Variants in RASGEF1C observed in about 807,000 individuals in gnomAD.
RASGEF1C encodes RasGEF domain family member 1C.
In RASGEF1C, 27 loss-of-function variants were observed where a neutral mutation model predicts 58.1. The ratio of observed to expected loss-of-function variants is 0.46; its 90% CI spans 0.34 to 0.64. The LOEUF is 0.64. Among genes scored for constraint, RASGEF1C ranks in the 30% least tolerant of loss-of-function variants. The probability of loss-of-function intolerance (pLI) is 0.01; values close to 1 mark genes in which losing one functional copy is unlikely to be tolerated. For missense variants in RASGEF1C, 502 were observed against 605.1 expected, an observed-to-expected ratio of 0.83 and a Z score of 1.79; for synonymous variants, 243 against 246.3, an observed-to-expected ratio of 0.99 and a Z score of 0.13.
At chr5:180,130,933 A>G (rs889498284) in intron 4 of RASGEF1C, among the ~76,000 whole-genome samples, 4 of 152,022 alleles carry the variant, frequency 2.6e-5, no homozygotes, top group African/African-American at 9.7e-5. Flanking sequence ...GTGTTGGTGG[A>G]TAGCGCGTCG....
intron 1 of RASGEF1C, among the ~76,000 whole-genome samples, chr5:180,174,628 G>GTGTC (rs140730975): frequency 1.9e-4 from 28 of 150,420 alleles, no homozygotes; most frequent in African/African-American, 6.1e-4. Flanking sequence ...CTGTGTGTGT[G>GTGTC]TGTGTGTGTG....
At chr5:180,152,665 T>G (rs1047056302) in intron 1 of RASGEF1C, among the ~76,000 whole-genome samples, 2 of 150,834 alleles carry the variant, frequency 1.3e-5, no homozygotes, top group Admixed American at 1.3e-4. Context: ...TATACATATG[T>G]AACAAACCTG....
intron 1 of RASGEF1C, among the ~76,000 whole-genome samples, chr5:180,190,294 T>C (rs748234100): frequency 7.3e-5 from 11 of 151,526 alleles, no homozygotes; most frequent in African/African-American, 2.2e-4. Flanking sequence ...GAGACCATCC[T>C]GGCTAACACG....
chr5:180,128,287 G>A (rs1156362997), intron 5 of RASGEF1C, 123 bp downstream of exon 5: 3 of 925,592 alleles, frequency 3.2e-6, no homozygotes, highest in South Asian at 1.4e-5. Flanking sequence ...GTGCATGCTC[G>A]AGGCTAGGCC....
At chr5:180,131,470 T>A (rs1236578414) in intron 4 of RASGEF1C, among the ~76,000 whole-genome samples, 6 of 152,126 alleles carry the variant, frequency 3.9e-5, no homozygotes, top group African/African-American at 1.2e-4. Context: ...TTTCCCCAGA[T>A]GGGCCATTGG....
chr5:180,195,275 A>C (rs1756246071), intron 1 of RASGEF1C, among the ~76,000 whole-genome samples: 1 of 152,154 alleles, frequency 6.6e-6, no homozygotes, highest in African/African-American at 2.4e-5. Context: ...GGGACCCTGC[A>C]GGGAGGTGCC....
rs202131786 is a variant in RASGEF1C, at chr5:180,111,554, C to T, written c.1206G>A (p.Val402=). Reference sequence around the variant, plus strand: ...CTTGTTTCCAGGTGATGAACTCCCCCACCTGCTTGGCCAGCTCCAGGAATT... The same window carrying T: ...CTTGTTTCCAGGTGATGAACTCCCCTACCTGCTTGGCCAGCTCCAGGAATT... ...FEKFLELAKQ[V]GEFITWKQVE... The change falls in exon 12 of 14, where the codon GTG becomes GTA. Residue 402 remains valine, a synonymous_variant. Transcript: ENST00000361132. 1.9e-6 allele frequency: 3 copies of T among 1,614,160 alleles called. No homozygotes were observed. The highest frequency in any genetic ancestry group is 2.7e-5 in the African/African-American group (2 of 75,048).
rs933061332 is a variant in RASGEF1C at position 180,137,065 on chromosome 5, C to T, written c.300+525G>A. Among the ~76,000 whole-genome samples the T allele has an allele frequency of 6.6e-6, 1 of 152,136 alleles. No homozygotes were observed. ...AGCCCCGGGAAGCGGCAGCAGAGGG[C>T]GGGAGGGAGACAGGCCACGGTGCAG... On this transcript the variant is annotated intron_variant, in intron 3 of 13. Coordinates refer to ENST00000361132, the MANE Select transcript of RASGEF1C (RefSeq NM_175062.4). This position sits in a 1 kb window ranked among gnomAD's most constrained non-coding sequence, Gnocchi z 4.1.
chr5:180,183,920 C>T (rs1755973620), intron 1 of RASGEF1C, among the ~76,000 whole-genome samples: 1 of 151,998 alleles, frequency 6.6e-6, no homozygotes, highest in Non-Finnish European at 1.5e-5. Context: ...GCCTATAATC[C>T]CAGCACTTTG....
chr5:180,207,635 C>T (rs142562035), intron 1 of RASGEF1C, among the ~76,000 whole-genome samples: 38 of 28,132 alleles, frequency 1.4e-3, no homozygotes, highest in Admixed American at 8.8e-4. Context: ...CTCTCGCCTG[C>T]CCTCCCTCTC....
intron 1 of RASGEF1C, among the ~76,000 whole-genome samples, chr5:180,203,473 C>T (rs1756430448): frequency 6.6e-6 from 1 of 152,168 alleles, no homozygotes; most frequent in African/African-American, 2.4e-5. Context: ...CTAAATATAA[C>T]TACAAAGAAC....
chr5:180,169,498 G>A (rs1767069519), intron 1 of RASGEF1C, among the ~76,000 whole-genome samples: 1 of 151,114 alleles, frequency 6.6e-6, no homozygotes, highest in Non-Finnish European at 1.5e-5. Flanking sequence ...GAGGAAGTGA[G>A]TGAAGTGAAG....
intron 6 of RASGEF1C, among the ~76,000 whole-genome samples, chr5:180,123,484 T>C (rs1192604651): frequency 1.3e-5 from 2 of 152,240 alleles, no homozygotes; most frequent in African/African-American, 4.8e-5. Context: ...TGAAATAATC[T>C]ATGTTTCAAA....
At chr5:180,105,159 G>T (rs933914068) in intron 12 of RASGEF1C, among the ~76,000 whole-genome samples, 1 of 152,182 alleles carries the variant, frequency 6.6e-6, no homozygotes, top group Non-Finnish European at 1.5e-5. Context: ...TCTTACTGTA[G>T]ATCTTAGTAA....
intron 1 of RASGEF1C, among the ~76,000 whole-genome samples, chr5:180,146,270 A>C (rs1766658823): frequency 6.6e-6 from 1 of 152,108 alleles, no homozygotes; most frequent in Non-Finnish European, 1.5e-5. Context: ...AGCCTCATGA[A>C]TAGCTGGGAC....
chr5:180,151,695 A>C (rs1469395601), intron 1 of RASGEF1C, among the ~76,000 whole-genome samples: 4 of 151,998 alleles, frequency 2.6e-5, no homozygotes, highest in Admixed American at 2.0e-4. Flanking sequence ...AAGCAATGGC[A>C]ACAAAAGCCA....
chr5:180,190,270 G>A (rs1366372340), intron 1 of RASGEF1C, among the ~76,000 whole-genome samples: 2 of 151,346 alleles, frequency 1.3e-5, no homozygotes, highest in East Asian at 2.0e-4. Context: ...GGCGGATCAC[G>A]AGGTTAGGAG....
At chr5:180,208,788 T>A (rs1756540448) in intron 1 of RASGEF1C, among the ~76,000 whole-genome samples, 1 of 151,860 alleles carries the variant, frequency 6.6e-6, no homozygotes, top group Admixed American at 6.6e-5. Context: ...GCGGCAGAGC[T>A]GGGTCTCCCG....
intron 12 of RASGEF1C, among the ~76,000 whole-genome samples, chr5:180,103,110 C>T (rs1048079126): frequency 6.6e-6 from 1 of 152,196 alleles, no homozygotes; most frequent in African/African-American, 2.4e-5. Context: ...AGAAGTCTCG[C>T]TCTGTCGCCC....
Sources: allele counts gnomAD v4.1 joint callset (sites outside exome capture counted in the v4.1 genomes callset), GRCh38; gene constraint gnomAD v4.1.1; non-coding constraint Gnocchi (gnomAD v3.1); transcripts MANE v1.5; gene names NCBI Gene and HGNC (gene_info 2026-07-23, HGNC 2026-07-21).